ZZZ3: variants seen among roughly 807,000 people sequenced by gnomAD.
ZZZ3 encodes ZZ-type zinc finger-containing protein 3.
ZZZ3 carries 22 observed loss-of-function variants against 95.2 expected under a neutral mutation model. That is an observed-to-expected ratio of 0.23 (90% CI 0.17 to 0.33). The LOEUF (loss-of-function observed/expected upper bound fraction) is 0.33, where lower values mean the gene tolerates loss of function less well. Among genes scored for constraint, ZZZ3 ranks in the 10% least tolerant of loss-of-function variants. The probability of loss-of-function intolerance (pLI) is 1.00; values close to 1 mark genes in which losing one functional copy is unlikely to be tolerated. For missense variants in ZZZ3, 885 were observed against 1,066.5 expected, an observed-to-expected ratio of 0.83 and a Z score of 2.37; for synonymous variants, 335 against 358.9, an observed-to-expected ratio of 0.93 and a Z score of 0.75.
At chr1:77,626,042 A>C (rs888032825) in intron 5 of ZZZ3, among the ~76,000 whole-genome samples, 12 of 152,126 alleles carry the variant, frequency 7.9e-5, no homozygotes, top group African/African-American at 2.9e-4. Context: ...ACTTGGGTAC[A>C]AATATACTTG....
In ZZZ3 at chr1:77,678,212, T is replaced by C. The variant is rs192687647; in HGVS notation, c.-403+4373A>G. Among the ~76,000 whole-genome samples the C allele has an allele frequency of 2.4e-4, 37 of 152,332 alleles. No homozygotes were observed. The South Asian group carries it at 2.5e-3, about 10-fold the overall frequency. On this transcript the variant is annotated intron_variant, in intron 1 of 14. Coordinates refer to ENST00000370801, the MANE Select transcript of ZZZ3 (RefSeq NM_015534.6). ...AGCAAATGTGCTAATCTTTAGGCAATTGGTTGTTCATTACTGATATCAAAT... is the reference window on the plus strand; with the variant it reads ...AGCAAATGTGCTAATCTTTAGGCAACTGGTTGTTCATTACTGATATCAAAT...
intron 5 of ZZZ3, among the ~76,000 whole-genome samples, chr1:77,590,986 T>G (rs1478462454): frequency 6.6e-6 from 1 of 152,228 alleles, no homozygotes; most frequent in African/African-American, 2.4e-5. Flanking sequence ...CTTATCATAT[T>G]ACTGTTCTAG....
Position 77,662,148 on chromosome 1 carries a change from C to T in ZZZ3, c.-403+20437G>A, listed in dbSNP as rs191873032. 1.5e-4 allele frequency among the ~76,000 whole-genome samples: 23 copies of T among 151,966 alleles called. No homozygotes were observed. In the East Asian group the frequency reaches 2.3e-3, roughly 15 times the overall value. The stretch of plus-strand genomic sequence containing the variant: ...TATGCCTCAGCCTCCCAAGTAGCTG[C>T]GACTACAGGCACACACCACCACACC... On this transcript the variant is annotated intron_variant, in intron 1 of 14. Coordinates refer to ENST00000370801, the MANE Select transcript of ZZZ3 (RefSeq NM_015534.6).
intron 6 of ZZZ3, among the ~76,000 whole-genome samples, chr1:77,583,915 A>C (rs1662796457): frequency 6.6e-6 from 1 of 152,186 alleles, no homozygotes; most frequent in African/African-American, 2.4e-5. Flanking sequence ...ATCGCTTTTA[A>C]GTGGTTAAGT....
At chr1:77,595,725 C>T (rs1664153690) in intron 5 of ZZZ3, among the ~76,000 whole-genome samples, 1 of 151,870 alleles carries the variant, frequency 6.6e-6, no homozygotes, top group Non-Finnish European at 1.5e-5. Context: ...CTAATATGAT[C>T]ACAATGTATA....
At chr1:77,595,445 G>T (rs940825110) in intron 5 of ZZZ3, among the ~76,000 whole-genome samples, 16 of 151,960 alleles carry the variant, frequency 1.1e-4, no homozygotes, top group South Asian at 2.1e-4. Flanking sequence ...GCAAAAAGAG[G>T]TTAAGACATT....
At chr1:77,672,124 C>A (rs1260142768) in intron 1 of ZZZ3, among the ~76,000 whole-genome samples, 2 of 152,120 alleles carry the variant, frequency 1.3e-5, no homozygotes, top group African/African-American at 2.4e-5. Context: ...CGAAGGAAAG[C>A]GAAACTGAAG....
Position 77,579,560 on chromosome 1 carries a change from T to C in ZZZ3, c.2049A>G (p.Ile683Met), listed in dbSNP as rs771294028. 1 of 1,591,714 alleles carries C rather than the reference T, an allele frequency of 6.3e-7. No individual in the cohort carries two copies. Among genetic ancestry groups the C allele is most frequent in the Non-Finnish European group, 8.5e-7 (1 of 1,170,986 alleles). ...EEVESRRWQK[I>M]ADELGNRTAK... ...CTGTCCTGTTGCCCAATTCATCTGC[T>C]ATCTTCTGCCAGCGTCGAGATTCTA... Residue 683 changes from isoleucine to methionine, a missense_variant, in exon 10 of 15, where the codon ATA (isoleucine) becomes ATG (methionine). Physicochemically the swap from Ile to Met is conservative, Grantham distance 10. Around this residue, in one of 5 missense-constraint regions of ZZZ3, gnomAD observed 2 missense variants for 16.6 expected, o/e 0.12. Coordinates refer to ENST00000370801, the MANE Select transcript of ZZZ3 (RefSeq NM_015534.6).
Position 77,610,394 on chromosome 1 carries a change from C to T in ZZZ3, c.1505+21456G>A, listed in dbSNP as rs145692609. ...CTGAATTCTACCAAACATTTAAAGA[C>T]GAACTAATACCAATCCTACTCAAAC... is the stretch of plus-strand genomic sequence containing the variant. On this transcript the variant is annotated intron_variant, in intron 5 of 14. Coordinates refer to ENST00000370801, the MANE Select transcript of ZZZ3 (RefSeq NM_015534.6). Among the ~76,000 whole-genome samples, 292 of 151,876 alleles carry T rather than the reference C, an allele frequency of 1.9e-3. 8 individuals carry two copies. The East Asian group carries it at 0.045, about 24-fold the overall frequency.
intron 5 of ZZZ3, among the ~76,000 whole-genome samples, chr1:77,611,721 C>A (rs1294570089): frequency 2.0e-5 from 3 of 151,926 alleles, no homozygotes; most frequent in African/African-American, 7.2e-5. Flanking sequence ...GTGGCGAAAA[C>A]ACACAATAAG....
At chr1:77,682,145 A>G (rs1672827757) in intron 1 of ZZZ3, among the ~76,000 whole-genome samples, 1 of 152,216 alleles carries the variant, frequency 6.6e-6, no homozygotes, top group African/African-American at 2.4e-5. Flanking sequence ...ATACGAAGTC[A>G]GGGTGATGAG....
intron 1 of ZZZ3, among the ~76,000 whole-genome samples, chr1:77,646,064 G>T (rs1669239891): frequency 6.6e-6 from 1 of 151,782 alleles, no homozygotes; most frequent in African/African-American, 2.4e-5. Flanking sequence ...ATGTAAATGA[G>T]TTATGATACA....
chr1:77,594,857 T>C (rs1489756537), intron 5 of ZZZ3, among the ~76,000 whole-genome samples: 1 of 138,376 alleles, frequency 7.2e-6, no homozygotes, highest in Non-Finnish European at 1.5e-5. Flanking sequence ...AAACAAAAAA[T>C]ATGGCATTGA....
chr1:77,608,120 T>G (rs548750927), intron 5 of ZZZ3, among the ~76,000 whole-genome samples: 18 of 152,158 alleles, frequency 1.2e-4, no homozygotes, highest in Admixed American at 8.5e-4. Flanking sequence ...AACAGAGAAC[T>G]TCCCAAACCT....
chr1:77,644,113 T>A (rs1669038235), intron 1 of ZZZ3, among the ~76,000 whole-genome samples: 1 of 152,140 alleles, frequency 6.6e-6, no homozygotes, highest in South Asian at 2.1e-4. Context: ...TTGCCCAGGC[T>A]GGAGTGCAAC....
intron 12 of ZZZ3, among the ~76,000 whole-genome samples, chr1:77,569,973 C>T (rs977814854): frequency 6.6e-6 from 1 of 152,224 alleles, no homozygotes; most frequent in African/African-American, 2.4e-5. Flanking sequence ...AATCCCGGAC[C>T]AGACAAGCCC....
At chr1:77,602,596 T>G (rs1664835638) in intron 5 of ZZZ3, among the ~76,000 whole-genome samples, 1 of 141,104 alleles carries the variant, frequency 7.1e-6, no homozygotes, top group Non-Finnish European at 1.5e-5. Flanking sequence ...ACCATTATTT[T>G]TACTGATTTT....
At chr1:77,629,294 GA>G (rs1557741011) in intron 5 of ZZZ3, among the ~76,000 whole-genome samples, 2 of 151,600 alleles carry the variant, frequency 1.3e-5, no homozygotes, top group East Asian at 3.9e-4. Context: ...TGCTTCCTTT[GA>G]AAAAAAAGAA....
At chr1:77,589,642 T>C (rs1663472885) in intron 5 of ZZZ3, among the ~76,000 whole-genome samples, 1 of 151,778 alleles carries the variant, frequency 6.6e-6, no homozygotes. Flanking sequence ...GTTTTTTTTG[T>C]AGGGACAGGG....
Sources: gnomAD v4.1 joint callset for allele counts (sites outside exome capture counted in the v4.1 genomes callset) on GRCh38, gnomAD v4.1.1 for gene constraint, gnomAD v4.1.1 regional missense constraint, MANE v1.5 for transcripts, NCBI Gene and HGNC (gene_info 2026-07-23, HGNC 2026-07-21) for gene names.